The following CCDC178 variants were observed in gnomAD, a reference collection of about 807,000 sequenced individuals.
The protein encoded by CCDC178 is coiled-coil domain containing 178.
In CCDC178, 126 loss-of-function variants were observed where a neutral mutation model predicts 117.4. The observed-to-expected ratio is 1.07, with a 90% confidence interval of 0.93 to 1.24. CCDC178 has a LOEUF of 1.24. Among genes scored for constraint, CCDC178 ranks in the 50% most tolerant of loss-of-function variants. CCDC178 has a pLI of 0.00. For synonymous variants in CCDC178, 283 were observed against 313.4 expected (o/e 0.90, Z 1.02); for missense variants, 1,030 against 986.9 (o/e 1.04, Z -0.59).
intron 14 of CCDC178, among the ~76,000 whole-genome samples, chr18:33,250,632 T>C (rs888312434): frequency 6.6e-6 from 1 of 151,720 alleles, no homozygotes; most frequent in Non-Finnish European, 1.5e-5. Context: ...ATTTTCAAAA[T>C]ATGTAATAAA....
intron 21 of CCDC178, among the ~76,000 whole-genome samples, chr18:33,043,223 A>T (rs1039725487): frequency 6.6e-6 from 1 of 152,064 alleles, no homozygotes; most frequent in Non-Finnish European, 1.5e-5. Flanking sequence ...CAAGTAATAG[A>T]TATCTTCTAT....
intron 14 of CCDC178, among the ~76,000 whole-genome samples, chr18:33,262,576 G>T (rs2144752289): frequency 2.6e-5 from 4 of 152,162 alleles, no homozygotes; most frequent in Middle Eastern, 6.8e-3. Flanking sequence ...TGGCATGATG[G>T]TTCCTTAGAC....
chr18:33,163,077 C>A (rs1055107769), intron 20 of CCDC178, among the ~76,000 whole-genome samples: 1 of 152,124 alleles, frequency 6.6e-6, no homozygotes, highest in Non-Finnish European at 1.5e-5. Flanking sequence ...CTTTTCTCCA[C>A]AACCTCGCCA....
Position 33,346,227 on chromosome 18 carries a change from T to C in CCDC178, c.642A>G (p.Pro214=). The change falls in exon 9 of 23, where the codon CCA becomes CCG. Residue 214 remains proline (P), a synonymous_variant. Transcript: ENST00000383096. ...TATTATTACCTTTCTGCACAGCCAA[T>C]GGGAGTTCTTGAAGTTTCCAGACTG... is the stretch of plus-strand genomic sequence containing the variant. The part of the protein sequence containing the change: ...SWSVWKLQEL[P]LAVQKEHEAY... 1.9e-6 allele frequency: 3 copies of C among 1,612,404 alleles called. No homozygotes were observed. The highest frequency in any genetic ancestry group is 1.1e-5 in the South Asian group (1 of 90,990).
chr18:33,371,784 TACACAC>T (rs146013235), intron 5 of CCDC178, among the ~76,000 whole-genome samples: 153 of 144,304 alleles, frequency 1.1e-3, no homozygotes, highest in African/African-American at 1.5e-3. Context: ...TAAACATATA[TACACAC>T]ACACACACAC....
intron 15 of CCDC178, among the ~76,000 whole-genome samples, chr18:33,243,301 G>C (rs986826574): frequency 2.0e-5 from 3 of 151,790 alleles, no homozygotes; most frequent in Non-Finnish European, 4.4e-5. Flanking sequence ...CTAAATGATG[G>C]CTAGATAGAA....
Position 33,043,409 on chromosome 18 carries a change from A to G in CCDC178, c.2388+49352T>C, listed in dbSNP as rs144529237. On this transcript the variant is annotated intron_variant, in intron 21 of 22. Coordinates refer to ENST00000383096, the MANE Select transcript of CCDC178 (RefSeq NM_001105528.4). ...TGCGATCTGGAACCAGAGTGCTTCA[A>G]TTGGGATTTTGGCTTTACCACTGAC... Among the ~76,000 whole-genome samples the G allele has an allele frequency of 1.3e-3, 203 of 152,120 alleles. 1 individual carries two copies. Among genetic ancestry groups the G allele is most frequent in the African/African-American group, 4.6e-3 (192 of 41,554 alleles).
intron 20 of CCDC178, among the ~76,000 whole-genome samples, chr18:33,196,257 A>G (rs911978513): frequency 3.9e-5 from 6 of 152,204 alleles, no homozygotes; most frequent in Non-Finnish European, 4.4e-5. Context: ...TTCAGCTCCA[A>G]TAAAAATTCT....
At chr18:33,106,974 T>C (rs769130175) in intron 20 of CCDC178, among the ~76,000 whole-genome samples, 3 of 151,722 alleles carry the variant, frequency 2.0e-5, no homozygotes, top group Non-Finnish European at 3.0e-5. Flanking sequence ...AGACGAACAA[T>C]TGCAAGAAAT....
chr18:33,158,039 A>C (rs962235212), intron 20 of CCDC178, among the ~76,000 whole-genome samples: 1 of 152,140 alleles, frequency 6.6e-6, no homozygotes, highest in Non-Finnish European at 1.5e-5. Context: ...ATTTTGGAGA[A>C]GCTTTTGTAA....
At chr18:33,376,979 G>C (rs1363063853) in intron 5 of CCDC178, among the ~76,000 whole-genome samples, 1 of 152,184 alleles carries the variant, frequency 6.6e-6, no homozygotes, top group Non-Finnish European at 1.5e-5. Flanking sequence ...CAACAGGATT[G>C]CTGGGTTGAA....
chr18:33,178,824 T>C (rs1036415308), intron 20 of CCDC178, among the ~76,000 whole-genome samples: 8 of 151,642 alleles, frequency 5.3e-5, no homozygotes, highest in Non-Finnish European at 8.8e-5. Context: ...GAAACCTCCA[T>C]GGGCCCCTAT....
At chr18:33,132,460 G>GT (rs905948612) in intron 20 of CCDC178, among the ~76,000 whole-genome samples, 7 of 151,624 alleles carry the variant, frequency 4.6e-5, no homozygotes, top group African/African-American at 1.7e-4. Context: ...CATTTATCAA[G>GT]TTTTTTCTTT....
At chr18:32,942,428 A>G (rs755450068) in intron 22 of CCDC178, among the ~76,000 whole-genome samples, 3 of 152,126 alleles carry the variant, frequency 2.0e-5, no homozygotes, top group Non-Finnish European at 4.4e-5. Context: ...CAATTAAGGC[A>G]GAGAAGAAGC....
At chr18:33,278,283 AT>A (rs2059977157) in intron 12 of CCDC178, among the ~76,000 whole-genome samples, 1 of 88 alleles carries the variant, frequency 0.011, no homozygotes, top group African/African-American at 0.033. Flanking sequence ...ACACAAATAC[AT>A]ATATATATAT....
In CCDC178 at chr18:33,182,861, C is replaced by T. The variant is rs1428081562; in HGVS notation, c.2238+29035G>A. Among the ~76,000 whole-genome samples, 7 of 151,936 alleles carry T rather than the reference C, an allele frequency of 4.6e-5. No individual in the cohort carries two copies. In the East Asian group the frequency reaches 1.2e-3, roughly 25 times the overall value. ...AATGTCTCTTTAAAAAGTATATTTGCAATGTGACCGTTTGGTTTAATGATC... is the reference window on the plus strand; with the variant it reads ...AATGTCTCTTTAAAAAGTATATTTGTAATGTGACCGTTTGGTTTAATGATC... On this transcript the variant is annotated intron_variant, in intron 20 of 22. Transcript: ENST00000383096.
intron 3 of CCDC178, among the ~76,000 whole-genome samples, chr18:33,405,279 ATTATAC>A (rs1203168554): frequency 1.3e-5 from 2 of 151,736 alleles, no homozygotes; most frequent in African/African-American, 4.8e-5. Flanking sequence ...AAATTTTAAA[ATTATAC>A]TTATAATGCA....
At chr18:33,291,258 C>T (rs2060162911) in intron 12 of CCDC178, among the ~76,000 whole-genome samples, 1 of 152,074 alleles carries the variant, frequency 6.6e-6, no homozygotes, top group Non-Finnish European at 1.5e-5. Flanking sequence ...ACTGAAACGT[C>T]TCTTCATCAG....
intron 5 of CCDC178, among the ~76,000 whole-genome samples, chr18:33,382,624 G>A (rs1174048454): frequency 6.6e-6 from 1 of 152,174 alleles, no homozygotes; most frequent in Non-Finnish European, 1.5e-5. Flanking sequence ...GAAGTGGTGA[G>A]GGAATGTGCT....
Sources: gnomAD v4.1 joint callset for allele counts (sites outside exome capture counted in the v4.1 genomes callset) on GRCh38, gnomAD v4.1.1 for gene constraint, MANE v1.5 for transcripts, NCBI Gene and HGNC (gene_info 2026-07-23, HGNC 2026-07-21) for gene names.